Variants in WDR70 observed in about 807,000 individuals in gnomAD.
The protein encoded by WDR70 is WD repeat-containing protein 70.
A neutral mutation model predicts 88.6 loss-of-function variants in WDR70; 53 were observed. The ratio of observed to expected loss-of-function variants is 0.60; its 90% CI spans 0.48 to 0.75. The LOEUF is 0.75. WDR70 is among the 30% of genes least tolerant of loss of function. The probability of loss-of-function intolerance (pLI) is 0.00; values close to 1 mark genes in which losing one functional copy is unlikely to be tolerated. For missense variants in WDR70, 610 were observed against 823.2 expected (o/e 0.74, Z 3.17); for synonymous variants, 280 against 270.0 (o/e 1.04, Z -0.36).
At chr5:37,642,415 A>C (rs1307708870) in intron 10 of WDR70, among the ~76,000 whole-genome samples, 1 of 152,152 alleles carries the variant, frequency 6.6e-6, no homozygotes, top group African/African-American at 2.4e-5. Flanking sequence ...TTTAATTTTC[A>C]TGGGTACATA....
At chr5:37,461,426 T>TTG (rs1308159649) in intron 7 of WDR70, among the ~76,000 whole-genome samples, 3 of 152,032 alleles carry the variant, frequency 2.0e-5, no homozygotes, top group Non-Finnish European at 4.4e-5. Context: ...AGAGTAATCC[T>TTG]TGTGTGTGTG....
chr5:37,670,997 A>G (rs1746008316), intron 10 of WDR70, among the ~76,000 whole-genome samples: 2 of 152,224 alleles, frequency 1.3e-5, no homozygotes, highest in Admixed American at 1.3e-4. Context: ...AAACAGGAGA[A>G]AGTTATATTC....
At chr5:37,444,623 A>G (rs527364805) in intron 7 of WDR70, among the ~76,000 whole-genome samples, 3 of 152,190 alleles carry the variant, frequency 2.0e-5, no homozygotes, top group East Asian at 3.9e-4. Flanking sequence ...GATTACAGGC[A>G]TGAGCCACCG....
At chr5:37,620,382 A>AT (rs1744475517) in intron 10 of WDR70, among the ~76,000 whole-genome samples, 1 of 152,038 alleles carries the variant, frequency 6.6e-6, no homozygotes, top group Non-Finnish European at 1.5e-5. Flanking sequence ...AAATCACTCC[A>AT]TTTTTCAGGT....
At position 37,753,389 on chromosome 5, in the gene WDR70, G is replaced by A. The variant is rs996899736; in HGVS notation, c.*816G>A. The A allele has an allele frequency of 3.9e-5, 6 of 152,138 alleles. No individual in the cohort carries two copies. Among genetic ancestry groups the A allele is most frequent in the African/African-American group, 1.2e-4 (5 of 41,436 alleles). The allele number at this position is 152,138 out of a possible 1,614,324, so 9.4% of individuals were successfully genotyped here. The stretch of plus-strand genomic sequence containing the variant: ...AATTAGAAAGGTATAGAATTGCTTT[G>A]TAAATGTAAAGACTAAACAGAAGAC... On this transcript the variant is annotated 3_prime_UTR_variant, in exon 18 of 18. Transcript: ENST00000265107.
intron 8 of WDR70, among the ~76,000 whole-genome samples, chr5:37,482,374 G>A (rs4272153): frequency 0.22 from 33,061 of 152,104 alleles, 4,342 homozygotes; most frequent in East Asian, 0.48. Flanking sequence ...TGGCTGGGGA[G>A]GCCTCACAAT....
chr5:37,589,557 G>C lies in WDR70; in HGVS notation c.918-15507G>C, dbSNP rs75453367. Reference sequence around the variant, plus strand: ...TCCCTTCTTAATCAGCTACCAAACTGATTTTTCTTGCTGCTTATTTATTTT... The same window carrying C: ...TCCCTTCTTAATCAGCTACCAAACTCATTTTTCTTGCTGCTTATTTATTTT... On this transcript the variant is annotated intron_variant, in intron 9 of 17. Coordinates refer to ENST00000265107, the MANE Select transcript of WDR70 (RefSeq NM_018034.4). 3.6e-3 allele frequency among the ~76,000 whole-genome samples: 543 copies of C among 152,076 alleles called. 5 individuals carry two copies. The highest frequency in any genetic ancestry group is 0.012 in the African/African-American group (517 of 41,490).
chr5:37,392,235 G>C, intron 4 of WDR70, 115 bp downstream of exon 4: 1 of 1,172,010 alleles, frequency 8.5e-7, no homozygotes, highest in Non-Finnish European at 1.2e-6. Flanking sequence ...GCCCTCTGCA[G>C]TGCAGTGGCG....
chr5:37,598,698 A>T (rs1175896875), intron 9 of WDR70, among the ~76,000 whole-genome samples: 1 of 152,252 alleles, frequency 6.6e-6, no homozygotes, highest in East Asian at 1.9e-4. Context: ...TAAAAAATGG[A>T]TGCTAAAGTG....
chr5:37,472,211 A>T (rs762870076), intron 7 of WDR70, among the ~76,000 whole-genome samples: 1 of 151,988 alleles, frequency 6.6e-6, no homozygotes, highest in Non-Finnish European at 1.5e-5. Flanking sequence ...TGATATTTGC[A>T]TACACTTGCA....
chr5:37,678,465 G>C (rs1746307354), intron 10 of WDR70, among the ~76,000 whole-genome samples: 2 of 152,230 alleles, frequency 1.3e-5, no homozygotes, highest in Admixed American at 6.5e-5. Flanking sequence ...TGTCTGTAAA[G>C]GATTTTATTT....
At chr5:37,644,941 A>G (rs1490677044) in intron 10 of WDR70, among the ~76,000 whole-genome samples, 2 of 151,464 alleles carry the variant, frequency 1.3e-5, no homozygotes, top group South Asian at 2.1e-4. Flanking sequence ...TCAACTTTTC[A>G]TTTCATTGAT....
At chr5:37,473,058 C>A (rs1379682481) in intron 7 of WDR70, among the ~76,000 whole-genome samples, 1 of 151,810 alleles carries the variant, frequency 6.6e-6, no homozygotes, top group Non-Finnish European at 1.5e-5. Context: ...TGGTCAGTAT[C>A]TTTGATTTAA....
At chr5:37,669,546 C>G (rs997018570) in intron 10 of WDR70, among the ~76,000 whole-genome samples, 5 of 152,096 alleles carry the variant, frequency 3.3e-5, no homozygotes, top group Non-Finnish European at 7.4e-5. Flanking sequence ...GAGGCAGTCC[C>G]AGATTCTCCT....
At chr5:37,566,553 G>C (rs565020090) in intron 9 of WDR70, among the ~76,000 whole-genome samples, 19 of 152,110 alleles carry the variant, frequency 1.2e-4, no homozygotes, top group Admixed American at 7.2e-4. Flanking sequence ...TAGAAATAAT[G>C]TTTACTTTTA....
intron 9 of WDR70, among the ~76,000 whole-genome samples, chr5:37,574,384 C>T (rs1257591453): frequency 2.0e-5 from 3 of 152,338 alleles, no homozygotes; most frequent in Admixed American, 2.0e-4. Flanking sequence ...GCATACCCCC[C>T]TCCATGGCTT....
chr5:37,585,812 C>G (rs1026015884), intron 9 of WDR70, among the ~76,000 whole-genome samples: 5 of 152,070 alleles, frequency 3.3e-5, no homozygotes, highest in African/African-American at 1.2e-4. Context: ...AATCTCAGCC[C>G]CCTTACTAGT....
At chr5:37,573,086 T>G (rs1269853365) in intron 9 of WDR70, among the ~76,000 whole-genome samples, 1 of 152,230 alleles carries the variant, frequency 6.6e-6, no homozygotes, top group Non-Finnish European at 1.5e-5. Context: ...GTTTCTCTGT[T>G]ATACTTTTTG....
chr5:37,517,471 G>C (rs1740923671), intron 9 of WDR70, among the ~76,000 whole-genome samples: 1 of 151,268 alleles, frequency 6.6e-6, no homozygotes, highest in African/African-American at 2.4e-5. Flanking sequence ...AGGTTCAAAT[G>C]ATTCTCCTAC....
Sources: gnomAD v4.1 joint callset for allele counts (sites outside exome capture counted in the v4.1 genomes callset) on GRCh38, gnomAD v4.1.1 for gene constraint, MANE v1.5 for transcripts, NCBI Gene and HGNC (gene_info 2026-07-23, HGNC 2026-07-21) for gene names.